The following FANCA variants were observed in gnomAD, a reference collection of about 807,000 sequenced individuals.
The protein encoded by FANCA is Fanconi anemia group A protein.
Under a neutral mutation model 194.3 loss-of-function variants are expected in FANCA, and 236 were observed. The observed-to-expected ratio is 1.21, with a 90% confidence interval of 1.09 to 1.35. The LOEUF is 1.35. Ranked by LOEUF, FANCA falls within the 40% of genes most tolerant of loss-of-function variation. FANCA has a pLI of 0.00. For missense variants in FANCA, 2,628 were observed against 1,813.9 expected (o/e 1.45, Z -8.15); for synonymous variants, 1,014 against 715.8 (o/e 1.42, Z -6.65).
In FANCA at chr16:89,784,510, G is replaced by A. The variant is rs540520228; in HGVS notation, c.1470+344C>T. Among the ~76,000 whole-genome samples, 28 of 151,016 alleles carry A rather than the reference G, an allele frequency of 1.9e-4. No homozygotes were observed. In the South Asian group the frequency reaches 3.6e-3, roughly 19 times the overall value. Reference sequence around the variant, plus strand: ...TCCTGCGTAACTGGGTGCTGAGAACGTCTCTCCACGTCACCACTCAGACCT... The same window carrying A: ...TCCTGCGTAACTGGGTGCTGAGAACATCTCTCCACGTCACCACTCAGACCT... On this transcript the variant is annotated intron_variant, in intron 15 of 42. Transcript: ENST00000389301.
At chr16:89,769,650 A>G (rs1336347949) in intron 26 of FANCA, 187 bp downstream of exon 26, 1 of 674,820 alleles carries the variant, frequency 1.5e-6, no homozygotes, top group African/African-American at 1.8e-5. Flanking sequence ...ATGAACAAAG[A>G]AACAAACGCA....
chr16:89,805,463 A>C, intron 6 of FANCA, 71 bp from the exon 7 acceptor site: 1 of 1,276,062 alleles, frequency 7.8e-7, no homozygotes, highest in Non-Finnish European at 1.1e-6. Flanking sequence ...GTTGAGCCAT[A>C]TGTCCCAATT....
intron 20 of FANCA, among the ~76,000 whole-genome samples, chr16:89,777,120 G>A (rs1363704137): frequency 2.0e-5 from 3 of 152,082 alleles, no homozygotes; most frequent in Admixed American, 6.6e-5. Flanking sequence ...AGAGGGGGAA[G>A]GATTGTTGAA....
chr16:89,770,533 C>CCACCA, intron 24 of FANCA, 31 bp downstream of exon 24: 1 of 1,576,988 alleles, frequency 6.3e-7, no homozygotes, highest in Non-Finnish European at 8.6e-7. Flanking sequence ...CAGAGGAGCC[C>CCACCA]CACCACTCAG....
chr16:89,779,637 C>T (rs899385011), intron 18 of FANCA, among the ~76,000 whole-genome samples: 4 of 152,188 alleles, frequency 2.6e-5, no homozygotes, highest in Non-Finnish European at 4.4e-5. Flanking sequence ...GCAGGATCCT[C>T]GATTCACAGC....
At chr16:89,766,819 G>C (rs1268957161) in intron 27 of FANCA, among the ~76,000 whole-genome samples, 3 of 152,028 alleles carry the variant, frequency 2.0e-5, no homozygotes, top group African/African-American at 7.2e-5. Context: ...TATGAATACT[G>C]ATCTTTTAAT....
intron 26 of FANCA, 130 bp downstream of exon 26, chr16:89,769,707 C>T: frequency 2.9e-6 from 3 of 1,043,356 alleles, no homozygotes; most frequent in Non-Finnish European, 4.3e-6. Context: ...AGGATATATA[C>T]CAAAATGCTA....
intron 21 of FANCA, among the ~76,000 whole-genome samples, chr16:89,775,074 A>G (rs2039456315): frequency 6.6e-6 from 1 of 151,824 alleles, no homozygotes; most frequent in Non-Finnish European, 1.5e-5. Context: ...ACAGCCACAG[A>G]GCGAGACTCT....
intron 38 of FANCA, 195 bp from the exon 39 acceptor site, chr16:89,740,294 C>T (rs1218112897): frequency 2.3e-5 from 14 of 605,038 alleles, no homozygotes; most frequent in South Asian, 5.5e-5. Context: ...CCAGGGACTT[C>T]GAGCACCCAC....
At chr16:89,768,621 A>G (rs2039211247) in intron 26 of FANCA, among the ~76,000 whole-genome samples, 1 of 152,080 alleles carries the variant, frequency 6.6e-6, no homozygotes, top group Non-Finnish European at 1.5e-5. Flanking sequence ...ACGCTACTGC[A>G]CTCCAGCCTG....
At chr16:89,775,306 C>T (rs1417175872) in intron 21 of FANCA, among the ~76,000 whole-genome samples, 2 of 152,178 alleles carry the variant, frequency 1.3e-5, no homozygotes, top group Non-Finnish European at 2.9e-5. Flanking sequence ...CACTGCTCCC[C>T]ACAGGCCAAA....
At chr16:89,757,215 G>A (rs958011196) in intron 30 of FANCA, among the ~76,000 whole-genome samples, 1 of 152,096 alleles carries the variant, frequency 6.6e-6, no homozygotes, top group African/African-American at 2.4e-5. Context: ...GCCTGCCTTG[G>A]CCTCCCAGTG....
intron 32 of FANCA, among the ~76,000 whole-genome samples, chr16:89,749,398 TG>T (rs1444387563): frequency 6.6e-6 from 1 of 152,200 alleles, no homozygotes; most frequent in Admixed American, 6.5e-5. Flanking sequence ...GTATTTTTTT[TG>T]TATTTTTAGT....
intron 8 of FANCA, among the ~76,000 whole-genome samples, chr16:89,802,182 C>T (rs1052086321): frequency 6.6e-6 from 1 of 152,114 alleles, no homozygotes; most frequent in African/African-American, 2.4e-5. Flanking sequence ...TGGCTCACTG[C>T]AACCTCCGCC....
chr16:89,767,466 C>A (rs949965640), intron 26 of FANCA, among the ~76,000 whole-genome samples: 1 of 152,122 alleles, frequency 6.6e-6, no homozygotes, highest in African/African-American at 2.4e-5. Context: ...CTCCCGGGTT[C>A]AAGCGAGTCT....
intron 2 of FANCA, 42 bp downstream of exon 2, chr16:89,815,835 G>A (rs2041091911): frequency 4.0e-6 from 6 of 1,488,678 alleles, no homozygotes; most frequent in Non-Finnish European, 5.6e-6. Flanking sequence ...CAAAAACCCC[G>A]AACCTAAATC....
Position 89,738,521 on chromosome 16 carries a change from TAGTGCAACA to T in FANCA, c.*71_*79del. ...TCGAGGAGATTTGTAATCCACTTTTTAGTGCAACAAGAGCTCCATGTTATGCTTGTAATA... is the reference window on the plus strand; with the variant it reads ...TCGAGGAGATTTGTAATCCACTTTTTAGAGCTCCATGTTATGCTTGTAATA... On this transcript the variant is annotated 3_prime_UTR_variant, in exon 43 of 43. Coordinates refer to ENST00000389301, the MANE Select transcript of FANCA (RefSeq NM_000135.4). 6.3e-7 allele frequency: 1 copy of T among 1,597,662 alleles called. No individual in the cohort carries two copies. Among genetic ancestry groups the T allele is most frequent in the East Asian group, 2.2e-5 (1 of 44,810 alleles).
intron 23 of FANCA, among the ~76,000 whole-genome samples, chr16:89,771,259 G>T (rs1451533513): frequency 6.6e-6 from 1 of 151,254 alleles, no homozygotes; most frequent in Non-Finnish European, 1.5e-5. Flanking sequence ...AGGACTTCTA[G>T]ACCAGTCGAG....
In FANCA at chr16:89,758,827, G is replaced by A. The variant is rs775399434; in HGVS notation, c.2853-122C>T. The A allele has an allele frequency of 1.3e-5, 20 of 1,482,252 alleles. No homozygotes were observed. The Admixed American group carries it at 2.1e-4, about 16-fold the overall frequency. The allele number at this position is 1,482,252 out of a possible 1,614,324, so 91.8% of individuals were successfully genotyped here. A position where few individuals can be genotyped will look rare whatever the true frequency, so the allele number is the denominator to read the frequency against. On this transcript the variant is annotated intron_variant, in intron 29 of 42. Coordinates refer to ENST00000389301, the MANE Select transcript of FANCA (RefSeq NM_000135.4). The stretch of plus-strand genomic sequence containing the variant: ...ACTAGTGAGAGCTGGGTTGAGACTG[G>A]CGGCTCGGGACCTTGGAGTAGGGAT...
Sources: gnomAD v4.1 joint callset for allele counts (sites outside exome capture counted in the v4.1 genomes callset) on GRCh38, gnomAD v4.1.1 for gene constraint, MANE v1.5 for transcripts, NCBI Gene and HGNC (gene_info 2026-07-23, HGNC 2026-07-21) for gene names.